GLE1: variants seen among roughly 807,000 people sequenced by gnomAD.
The protein encoded by GLE1 is GLE1 RNA export mediator.
GLE1 carries 78 observed loss-of-function variants against 97.3 expected under a neutral mutation model. The observed-to-expected ratio is 0.80, with a 90% CI of 0.67 to 0.97. GLE1 has a LOEUF of 0.97. GLE1 is among the 50% of genes least tolerant of loss of function. GLE1 has a pLI of 0.00. For missense variants in GLE1, 753 were observed against 857.5 expected (o/e 0.88, Z 1.52); for synonymous variants, 302 against 313.4 (o/e 0.96, Z 0.39).
In GLE1 at chr9:128,504,767, C is replaced by CA. The variant is rs1171807927; in HGVS notation, c.-38dup. On this transcript the variant is annotated 5_prime_UTR_variant, in exon 1 of 16. Coordinates refer to ENST00000309971, the MANE Select transcript of GLE1 (RefSeq NM_001003722.2). The stretch of plus-strand genomic sequence containing the variant: ...CGGCTGATTCGAGGGCTTGTTTGGT[C>CA]AGAAGGGGGGCGTCAGAGAAGCTGC... The CA allele has an allele frequency of 2.2e-6, 3 of 1,353,898 alleles. No homozygotes were observed. In the African/African-American group the frequency reaches 4.3e-5, roughly 19 times the overall value. 83.9% of individuals were successfully genotyped at this position (1,353,898 alleles called of 1,614,324 possible).
chr9:128,520,120 C>T (rs574758544), intron 3 of GLE1, among the ~76,000 whole-genome samples: 1 of 152,014 alleles, frequency 6.6e-6, no homozygotes, highest in African/African-American at 2.4e-5. Context: ...CGTGGTGGCA[C>T]ATGCCTGTAA....
Position 128,533,758 on chromosome 9 carries a change from C to A in GLE1, c.1456-3C>A. 6.2e-7 allele frequency: 1 copy of A among 1,614,048 alleles called. No individual in the cohort carries two copies. Among genetic ancestry groups the A allele is most frequent in the Non-Finnish European group, 8.5e-7 (1 of 1,179,874 alleles). Reference sequence around the variant, plus strand: ...AAAATTGTACCCACCTCTATGTTCTCAGAAACAAGGCGAGGAGGAAGTGGC... The same window carrying A: ...AAAATTGTACCCACCTCTATGTTCTAAGAAACAAGGCGAGGAGGAAGTGGC... On this transcript the variant is annotated splice_region_variant and splice_polypyrimidine_tract_variant and intron_variant, in intron 10 of 15. Transcript: ENST00000309971.
At chr9:128,507,540 C>T (rs908072373) in intron 1 of GLE1, among the ~76,000 whole-genome samples, 21 of 150,172 alleles carry the variant, frequency 1.4e-4, no homozygotes, top group Admixed American at 6.7e-4. Context: ...GCCGTGATCA[C>T]GCCACTGCAC....
In GLE1 at chr9:128,540,327, C is replaced by T; in HGVS notation, c.2017C>T (p.Gln673Ter). The change falls in exon 15 of 16, where the codon CAG becomes TAG. Residue 673 changes from glutamine to a stop codon, truncating the protein, a stop_gained. Coordinates refer to ENST00000309971, the MANE Select transcript of GLE1 (RefSeq NM_001003722.2). LOFTEE classifies it high-confidence loss of function. ...GATGGGCTCCTTCATACGCCTCAAG[C>T]AGTTCTTGGAGGTAAGATGCCCTTA... ...GQMGSFIRLK[Q>*]FLEKCLQHKD... 6.2e-7 allele frequency: 1 copy of T among 1,606,092 alleles called. No individual in the cohort carries two copies. Among genetic ancestry groups the T allele is most frequent in the Non-Finnish European group, 8.5e-7 (1 of 1,172,714 alleles).
chr9:128,526,180 C>G (rs1351990509), intron 7 of GLE1, among the ~76,000 whole-genome samples: 3 of 151,030 alleles, frequency 2.0e-5, no homozygotes, highest in African/African-American at 7.3e-5. Flanking sequence ...TGCCACTGTG[C>G]CTGGCTAATT....
At position 128,523,651 on chromosome 9, in the gene GLE1, G is replaced by A; in HGVS notation, c.702G>A (p.Glu234=). The change falls in exon 6 of 16, where the codon GAG becomes GAA. Residue 234 remains glutamate (E), a synonymous_variant. Coordinates refer to ENST00000309971, the MANE Select transcript of GLE1 (RefSeq NM_001003722.2). ...AGCGCGTGAAGCAAGCAGAACAGGA[G>A]CGGCTTCGGAAGGAAGAAGGCCAGA... ...EQQRVKQAEQ[E]RLRKEEGQIR... 1 of 1,614,160 alleles carries A rather than the reference G, an allele frequency of 6.2e-7. No homozygotes were observed. Among genetic ancestry groups the A allele is most frequent in the Non-Finnish European group, 8.5e-7 (1 of 1,180,028 alleles).
chr9:128,524,220 A>G (rs531222383), intron 6 of GLE1, among the ~76,000 whole-genome samples: 11 of 151,748 alleles, frequency 7.2e-5, no homozygotes, highest in African/African-American at 2.7e-4. Flanking sequence ...CTGGGACTAC[A>G]GGCGCATACC....
At chr9:128,534,036 C>T in intron 11 of GLE1, 85 bp downstream of exon 11, 1 of 902,464 alleles carries the variant, frequency 1.1e-6, no homozygotes, top group Non-Finnish European at 1.9e-6. Flanking sequence ...TCCCTCCTCA[C>T]AGCTCCTATT....
Position 128,533,816 on chromosome 9 carries a change from T to C in GLE1, c.1511T>C (p.Val504Ala). The C allele has an allele frequency of 1.9e-6, 3 of 1,614,090 alleles. No homozygotes were observed. The highest frequency in any genetic ancestry group is 1.6e-4 in the Middle Eastern group (1 of 6,062). The change falls in exon 11 of 16, where the codon GTT becomes GCT. Residue 504 changes from valine (V) to alanine (A), a missense_variant. Physicochemically the swap from Val to Ala is moderately conservative, Grantham distance 64. Transcript: ENST00000309971. ...CATGAAGCAGCATTCCCCATTGCAG[T>C]TGTGGCATCCGGGATCTGGGAGCTC... ...SHHEAAFPIA[V>A]VASGIWELHP...
At chr9:128,534,391 A>G (rs569891770) in intron 11 of GLE1, among the ~76,000 whole-genome samples, 2 of 129,196 alleles carry the variant, frequency 1.5e-5, no homozygotes, top group African/African-American at 5.1e-5. Flanking sequence ...AAAAATATAT[A>G]TACATAGTCT....
chr9:128,535,512 A>G (rs1847675742), intron 11 of GLE1, among the ~76,000 whole-genome samples: 1 of 110,892 alleles, frequency 9.0e-6, no homozygotes, highest in Non-Finnish European at 1.8e-5. Flanking sequence ...ACAAGAGTGA[A>G]ACTCTGTCTC....
intron 12 of GLE1, 141 bp from the exon 13 acceptor site, chr9:128,537,845 G>C: frequency 1.4e-6 from 1 of 695,178 alleles, no homozygotes; most frequent in Non-Finnish European, 2.6e-6. Context: ...TGTTTAGTTT[G>C]TGTTATTTCT....
At chr9:128,540,021 A>C (rs1309894869) in intron 14 of GLE1, 4 of 653,430 alleles carry the variant, frequency 6.1e-6, no homozygotes, top group South Asian at 1.9e-5. Context: ...GGTGTTCAAA[A>C]CCAGCCTGGG....
chr9:128,516,221 G>A (rs1294453453), intron 3 of GLE1, among the ~76,000 whole-genome samples: 4 of 151,946 alleles, frequency 2.6e-5, no homozygotes, highest in African/African-American at 4.8e-5. Flanking sequence ...GCCTCCCAAG[G>A]TGCTGGGATT....
In GLE1 at chr9:128,508,892, G is replaced by A. The variant is rs138871311; in HGVS notation, c.116G>A (p.Cys39Tyr). The A allele has an allele frequency of 4.4e-4, 702 of 1,597,726 alleles. 1 individual carries two copies. Among genetic ancestry groups the A allele is most frequent in the Non-Finnish European group, 5.6e-4 (656 of 1,165,058 alleles). Residue 39 changes from cysteine (C) to tyrosine (Y), a missense_variant, in exon 2 of 16, where the codon TGT becomes TAT. Cys to Tyr is a radical substitution (Grantham distance 194, BLOSUM62 -2). Coordinates refer to ENST00000309971, the MANE Select transcript of GLE1 (RefSeq NM_001003722.2). Reference protein sequence around the residue: ...LLRREDVLEECMSLPKLSSYS... With the variant: ...LLRREDVLEEYMSLPKLSSYS... ...TTTCTCTAGGATGTTTTAGAAGAAT[G>A]TATGTCTCTTCCCAAGCTATCTTCT...
chr9:128,539,100 G>T lies in GLE1; in HGVS notation c.1882-516G>T, dbSNP rs962697893. 2.0e-5 allele frequency among the ~76,000 whole-genome samples: 3 copies of T among 152,236 alleles called. No individual in the cohort carries two copies. In the South Asian group the frequency reaches 6.2e-4, roughly 32 times the overall value. On this transcript the variant is annotated intron_variant, in intron 13 of 15. Coordinates refer to ENST00000309971, the MANE Select transcript of GLE1 (RefSeq NM_001003722.2). ...TACCAAAAAAATACAAAAATTAGTG[G>T]TGTGTGCCTGTGGTCCCAGTTACTG...
chr9:128,505,696 G>A (rs767035871), intron 1 of GLE1, among the ~76,000 whole-genome samples: 1 of 152,122 alleles, frequency 6.6e-6, no homozygotes, highest in Non-Finnish European at 1.5e-5. Flanking sequence ...TCCCAACACT[G>A]GTGATGCTAA....
Position 128,538,082 on chromosome 9 carries a change from T to C in GLE1, c.1873T>C (p.Phe625Leu), listed in dbSNP as rs1325402768. 3 of 1,571,436 alleles carry C rather than the reference T, an allele frequency of 1.9e-6. No individual in the cohort carries two copies. Among genetic ancestry groups the C allele is most frequent in the Non-Finnish European group, 2.6e-6 (3 of 1,141,254 alleles). ...TGTGACAGCCACCCTCCTCTTTGAC[T>C]TCCTGGAGGTACGTAACTCAGTTAT... ...SDVTATLLFDFLEVCGNALMK... is the reference protein window; with the variant it reads ...SDVTATLLFDLLEVCGNALMK... The change falls in exon 13 of 16, where the codon TTC (phenylalanine) becomes CTC (leucine). Residue 625 changes from phenylalanine (F) to leucine (L), a missense_variant. Physicochemically the swap from Phe to Leu is conservative, Grantham distance 22 (BLOSUM62 0). Transcript: ENST00000309971.
In GLE1 at chr9:128,512,460, C is replaced by T. The variant is rs572542401; in HGVS notation, c.322-3069C>T. Among the ~76,000 whole-genome samples the T allele has an allele frequency of 3.3e-5, 5 of 152,148 alleles. No homozygotes were observed. In the South Asian group the frequency reaches 6.2e-4, roughly 19 times the overall value. On this transcript the variant is annotated intron_variant, in intron 2 of 15. Transcript: ENST00000309971. ...GGGGAGACTGGGTGAAAAGTACATG[C>T]GACCTTCCTGTATGTATTTTTGCAA...
Sources: gnomAD v4.1 joint callset for allele counts (sites outside exome capture counted in the v4.1 genomes callset) on GRCh38, gnomAD v4.1.1 for gene constraint, MANE v1.5 for transcripts, NCBI Gene and HGNC (gene_info 2026-07-23, HGNC 2026-07-21) for gene names.